Variants in ATRNL1 observed in about 807,000 individuals in gnomAD.
ATRNL1 encodes attractin like 1.
ATRNL1 carries 95 observed loss-of-function variants against 182.7 expected under a neutral mutation model. The ratio of observed to expected loss-of-function variants is 0.52; its 90% confidence interval spans 0.44 to 0.62. The LOEUF (loss-of-function observed/expected upper bound fraction) is 0.62, where lower values mean the gene tolerates loss of function less well. Among genes scored for constraint, ATRNL1 ranks in the 20% least tolerant of loss-of-function variants. The pLI is 0.00. For synonymous variants in ATRNL1, 576 were observed against 568.3 expected (o/e 1.01, Z -0.19); for missense variants, 1,471 against 1,679.5 (o/e 0.88, Z 2.17).
Position 115,444,475 on chromosome 10 carries a change from T to C in ATRNL1, c.3323-17466T>C, listed in dbSNP as rs55749543. Reference sequence around the variant, plus strand: ...TTTTTAGTTGTTTTATATTAATTTCTTGGTAAACTGATTCTAGGCAGAAAA... The same window carrying C: ...TTTTTAGTTGTTTTATATTAATTTCCTGGTAAACTGATTCTAGGCAGAAAA... On this transcript the variant is annotated intron_variant, in intron 21 of 28. Coordinates refer to ENST00000355044, the MANE Select transcript of ATRNL1 (RefSeq NM_207303.4). Among the ~76,000 whole-genome samples the C allele has an allele frequency of 4.5e-3, 682 of 152,184 alleles. 8 individuals carry two copies. Among genetic ancestry groups the C allele is most frequent in the African/African-American group, 0.015 (629 of 41,584 alleles).
At chr10:115,873,687 T>C (rs926298711) in intron 28 of ATRNL1, among the ~76,000 whole-genome samples, 1 of 152,188 alleles carries the variant, frequency 6.6e-6, no homozygotes, top group African/African-American at 2.4e-5. Flanking sequence ...TTTACTGTAT[T>C]GATTGACTAT....
chr10:115,218,191 G>A (rs1849304426), intron 9 of ATRNL1, among the ~76,000 whole-genome samples: 1 of 151,570 alleles, frequency 6.6e-6, no homozygotes, highest in African/African-American at 2.4e-5. Flanking sequence ...GTCCCATTCT[G>A]GGGGTGATGG....
chr10:115,669,386 A>G (rs1259914235), intron 26 of ATRNL1, among the ~76,000 whole-genome samples: 1 of 152,146 alleles, frequency 6.6e-6, no homozygotes, highest in Admixed American at 6.6e-5. Context: ...TAGATTTGTA[A>G]TATTGAGACC....
At chr10:115,739,647 CA>C (rs1191857764) in intron 27 of ATRNL1, among the ~76,000 whole-genome samples, 1 of 152,124 alleles carries the variant, frequency 6.6e-6, no homozygotes, top group Non-Finnish European at 1.5e-5. Flanking sequence ...AACATTAACA[CA>C]AAAGTAGTAT....
At chr10:115,884,729 C>G (rs1270845766) in intron 28 of ATRNL1, among the ~76,000 whole-genome samples, 4 of 152,176 alleles carry the variant, frequency 2.6e-5, no homozygotes, top group Non-Finnish European at 4.4e-5. Context: ...TCGTACTTAG[C>G]TACGCATCAC....
chr10:115,186,247 T>C (rs535796757), intron 8 of ATRNL1, among the ~76,000 whole-genome samples: 1 of 151,672 alleles, frequency 6.6e-6, no homozygotes, highest in South Asian at 2.1e-4. Flanking sequence ...GGAGCCCTCA[T>C]ACATTATTGG....
chr10:115,907,941 C>A (rs1378460024), intron 28 of ATRNL1, among the ~76,000 whole-genome samples: 1 of 152,152 alleles, frequency 6.6e-6, no homozygotes, highest in Non-Finnish European at 1.5e-5. Context: ...AGAAAGCATA[C>A]ACCGTCTTAT....
intron 27 of ATRNL1, among the ~76,000 whole-genome samples, chr10:115,738,621 G>A (rs1207499916): frequency 1.2e-4 from 18 of 151,844 alleles, no homozygotes; most frequent in Admixed American, 8.5e-4. Flanking sequence ...CAATGTTTTG[G>A]AAAAAATGTT....
At chr10:115,799,266 G>A (rs1949735197) in intron 27 of ATRNL1, among the ~76,000 whole-genome samples, 1 of 152,130 alleles carries the variant, frequency 6.6e-6, no homozygotes, top group Non-Finnish European at 1.5e-5. Flanking sequence ...TGTAATGGTA[G>A]TAAATTCTAC....
chr10:115,687,069 G>A (rs1241093689), intron 26 of ATRNL1, among the ~76,000 whole-genome samples: 5 of 152,056 alleles, frequency 3.3e-5, no homozygotes, highest in South Asian at 2.1e-4. Context: ...TTTTCCTGAT[G>A]ATTAGCAATT....
chr10:115,129,339 T>C lies in ATRNL1; in HGVS notation c.633T>C (p.Cys211=), dbSNP rs1322102373. The change falls in exon 5 of 29, where the codon TGT becomes TGC. Residue 211 remains cysteine, a synonymous_variant. Coordinates refer to ENST00000355044, the MANE Select transcript of ATRNL1 (RefSeq NM_207303.4). The part of the protein sequence containing the change: ...GFNIFYSINS[C]PNNCSGHGKC... ...TTATATTTTACAGAATCAATTCTTG[T>C]CCTAACAATTGCTCTGGTCATGGGA... 6.2e-7 allele frequency: 1 copy of C among 1,611,770 alleles called. No homozygotes were observed. Among genetic ancestry groups the C allele is most frequent in the African/African-American group, 1.3e-5 (1 of 74,878 alleles).
intron 28 of ATRNL1, among the ~76,000 whole-genome samples, chr10:115,871,752 A>C (rs1237992458): frequency 6.6e-6 from 1 of 152,116 alleles, no homozygotes; most frequent in Non-Finnish European, 1.5e-5. Context: ...AAACTGAGTC[A>C]ACTAAATAAT....
chr10:115,498,187 T>C (rs1209868029), intron 24 of ATRNL1, among the ~76,000 whole-genome samples: 2 of 152,140 alleles, frequency 1.3e-5, no homozygotes, highest in Non-Finnish European at 2.9e-5. Flanking sequence ...AAAATATATG[T>C]CCGATATTTA....
intron 23 of ATRNL1, among the ~76,000 whole-genome samples, chr10:115,468,065 C>G (rs1417598325): frequency 6.6e-6 from 1 of 150,560 alleles, no homozygotes; most frequent in East Asian, 1.9e-4. Flanking sequence ...ATTAAGAGCT[C>G]TTTTGCAATT....
chr10:115,852,859 C>T (rs1458906332), intron 28 of ATRNL1, among the ~76,000 whole-genome samples: 1 of 152,092 alleles, frequency 6.6e-6, no homozygotes, highest in African/African-American at 2.4e-5. Flanking sequence ...CATGCCGTGG[C>T]GCATCTGCTC....
chr10:115,143,843 C>T (rs782185864), intron 5 of ATRNL1, among the ~76,000 whole-genome samples: 2 of 152,136 alleles, frequency 1.3e-5, no homozygotes, highest in African/African-American at 2.4e-5. Flanking sequence ...GAGGACCCTA[C>T]CCTGATAACC....
intron 22 of ATRNL1, among the ~76,000 whole-genome samples, chr10:115,463,666 A>G (rs1847921454): frequency 2.6e-5 from 4 of 152,036 alleles, no homozygotes; most frequent in African/African-American, 9.7e-5. Context: ...GCCTCATTCC[A>G]CACTTCTCTG....
At chr10:115,771,253 CAG>C (rs1948981812) in intron 27 of ATRNL1, among the ~76,000 whole-genome samples, 1 of 138,516 alleles carries the variant, frequency 7.2e-6, no homozygotes, top group Non-Finnish European at 1.5e-5. Flanking sequence ...TTTTTTGAGA[CAG>C]AGTCTCACTC....
At chr10:115,523,799 T>C (rs572227913) in intron 25 of ATRNL1, among the ~76,000 whole-genome samples, 8 of 152,354 alleles carry the variant, frequency 5.3e-5, no homozygotes, top group African/African-American at 1.7e-4. Context: ...TTCTATCTTA[T>C]GAGCACTCCA....
Sources: gnomAD v4.1 joint callset for allele counts (sites outside exome capture counted in the v4.1 genomes callset) on GRCh38, gnomAD v4.1.1 for gene constraint, MANE v1.5 for transcripts, NCBI Gene and HGNC (gene_info 2026-07-23, HGNC 2026-07-21) for gene names.